Variants in MAPDA observed in about 807,000 individuals in gnomAD.
MAPDA encodes the protein N6-Methyl-AMP deaminase.
the MAPDA span, chr15:43,332,532 A>G: frequency 2.0e-5 from 3 of 152,192 alleles, no homozygotes; most frequent in African/African-American, 7.2e-5. Flanking sequence ...ATTAAAGAAG[A>G]AAGAGAATGG....
At chr15:43,351,172 G>T in the MAPDA span, 1 of 852,760 alleles carries the variant, frequency 1.2e-6, no homozygotes, top group Non-Finnish European at 1.8e-6. Context: ...AGAAGGGACC[G>T]GGGTGTGGCT....
the MAPDA span, among the ~76,000 whole-genome samples, chr15:43,336,013 C>T: frequency 7.9e-5 from 12 of 152,196 alleles, no homozygotes; most frequent in East Asian, 2.3e-3. Flanking sequence ...CTAGTGATTT[C>T]TGTTGTTTGT....
the MAPDA span, chr15:43,349,226 A>G: frequency 7.1e-7 from 1 of 1,405,342 alleles, no homozygotes; most frequent in Non-Finnish European, 9.2e-7. Context: ...CCATTAGAAT[A>G]TAAGCTCTAT....
At chr15:43,331,533 A>C in the MAPDA span, among the ~76,000 whole-genome samples, 1 of 152,246 alleles carries the variant, frequency 6.6e-6, no homozygotes, top group Non-Finnish European at 1.5e-5. Context: ...CATAATGGTT[A>C]AGAGTGTGAG....
the MAPDA span, among the ~76,000 whole-genome samples, chr15:43,350,664 C>T: frequency 2.3e-4 from 35 of 152,096 alleles, 1 homozygote; most frequent in Non-Finnish European, 1.5e-5. Context: ...CCTCTTTCCT[C>T]TCTATTTTGG....
the MAPDA span, chr15:43,336,813 C>A: frequency 1.5e-6 from 1 of 646,966 alleles, no homozygotes; most frequent in Non-Finnish European, 2.4e-6. Context: ...ATTATGGCAA[C>A]TCTTCAAAAC....
chr15:43,354,534 T>C, the MAPDA span: 3 of 152,220 alleles, frequency 2.0e-5, no homozygotes, highest in Non-Finnish European at 4.4e-5. Flanking sequence ...GTTTAATATC[T>C]ATACAAAAGC....
the MAPDA span, chr15:43,340,178 A>C: frequency 8.6e-7 from 1 of 1,158,456 alleles, no homozygotes; most frequent in Non-Finnish European, 1.2e-6. Flanking sequence ...AGATTTAATG[A>C]ATAAAATAAA....
chr15:43,349,192 A>G, the MAPDA span: 5 of 1,441,770 alleles, frequency 3.5e-6, no homozygotes, highest in South Asian at 1.6e-5. Context: ...TCTGAGCCTT[A>G]TTTAAAACAG....
chr15:43,345,772 C>T, the MAPDA span: 1 of 1,524,176 alleles, frequency 6.6e-7, no homozygotes. Flanking sequence ...ACGTAGTCTG[C>T]CATCTCTGTC....
At chr15:43,333,415 C>G in the MAPDA span, 2 of 136,674 alleles carry the variant, frequency 1.5e-5, no homozygotes, top group Admixed American at 7.3e-5. Context: ...GATCCTGTCT[C>G]AAAAGAAAAA....
At chr15:43,332,580 C>T in the MAPDA span, among the ~76,000 whole-genome samples, 12 of 151,744 alleles carry the variant, frequency 7.9e-5, no homozygotes, top group African/African-American at 2.2e-4. Context: ...TGATTTAGGC[C>T]GGGGGAGGAG....
the MAPDA span, chr15:43,348,927 AAC>A: frequency 3.1e-6 from 5 of 1,613,982 alleles, no homozygotes; most frequent in Admixed American, 1.7e-5. Context: ...AAAAAAAAGA[AAC>A]ACAAATACTC....
the MAPDA span, among the ~76,000 whole-genome samples, chr15:43,343,955 A>G: frequency 6.6e-6 from 1 of 151,958 alleles, no homozygotes; most frequent in African/African-American, 2.4e-5. Flanking sequence ...ATAGAAATAC[A>G]GAGAAAACTA....
chr15:43,349,079 T>A, the MAPDA span: 1 of 1,613,780 alleles, frequency 6.2e-7, no homozygotes. Flanking sequence ...TCCAGATGAC[T>A]CTCTGTCTCT....
At chr15:43,336,651 C>T in the MAPDA span, 11 of 1,570,636 alleles carry the variant, frequency 7.0e-6, no homozygotes, top group Non-Finnish European at 8.6e-6. Flanking sequence ...TCAAACTATT[C>T]ATCAGCTTAC....
the MAPDA span, chr15:43,354,497 G>T: frequency 6.6e-6 from 1 of 152,130 alleles, no homozygotes; most frequent in Non-Finnish European, 1.5e-5. Context: ...TGAAAATATG[G>T]TTATAAAGTT....
At chr15:43,348,932 A>C in the MAPDA span, 1 of 1,614,054 alleles carries the variant, frequency 6.2e-7, no homozygotes, top group Non-Finnish European at 8.5e-7. Context: ...AAAGAAACAC[A>C]AATACTCCTG....
At chr15:43,336,608 T>C in the MAPDA span, 1 of 1,560,156 alleles carries the variant, frequency 6.4e-7, no homozygotes, top group Non-Finnish European at 8.6e-7. Context: ...ATGTTAAAAC[T>C]TTTCATTCAT....
Sources: allele counts gnomAD v4.1 joint callset (sites outside exome capture counted in the v4.1 genomes callset), GRCh38; gene constraint gnomAD v4.1.1; transcripts MANE v1.5; gene names NCBI Gene and HGNC (gene_info 2026-07-23, HGNC 2026-07-21).